Variants in MYO9A observed in about 807,000 individuals in gnomAD.
The protein encoded by MYO9A is myosin IXA.
Under a neutral mutation model 293.3 loss-of-function variants are expected in MYO9A, and 103 were observed. That is an observed-to-expected ratio of 0.35 (90% CI 0.30 to 0.41). MYO9A has a LOEUF of 0.41. MYO9A is among the 10% of genes least tolerant of loss of function. The probability of loss-of-function intolerance (pLI) is 1.00; values close to 1 mark genes in which losing one functional copy is unlikely to be tolerated. For missense variants in MYO9A, 2,685 were observed against 3,033.0 expected (o/e 0.89, Z 2.69); for synonymous variants, 1,001 against 1,035.7 (o/e 0.97, Z 0.64).
At chr15:72,001,154 T>G (rs1238434126) in intron 8 of MYO9A, among the ~76,000 whole-genome samples, 1 of 152,280 alleles carries the variant, frequency 6.6e-6, no homozygotes, top group African/African-American at 2.4e-5. Context: ...GTCATGATGA[T>G]GGGCATGAAG....
chr15:71,928,918 T>A (rs994596391), intron 18 of MYO9A, among the ~76,000 whole-genome samples: 10 of 122,356 alleles, frequency 8.2e-5, no homozygotes, highest in Admixed American at 4.8e-4. Context: ...AAAAAAAAAA[T>A]TTAATAGCCA....
At chr15:71,980,824 C>A (rs1596317602) in intron 11 of MYO9A, among the ~76,000 whole-genome samples, 1 of 152,080 alleles carries the variant, frequency 6.6e-6, no homozygotes, top group Admixed American at 6.5e-5. Context: ...GGCTGCAGAG[C>A]GAGACTCTGT....
At chr15:72,118,228 A>C (rs964772391), upstream of MYO9A, 1 of 341,770 alleles carries the variant, frequency 2.9e-6, no homozygotes. Flanking sequence ...GCCACTGGAG[A>C]GTACAGCGTG....
At chr15:72,115,964 C>T (rs1393837511) in intron 1 of MYO9A, among the ~76,000 whole-genome samples, 6 of 152,136 alleles carry the variant, frequency 3.9e-5, no homozygotes, top group Admixed American at 3.9e-4. Flanking sequence ...AAATGAGGCA[C>T]TTCCATATGT....
At chr15:71,925,332 C>T (rs2058279618) in intron 18 of MYO9A, among the ~76,000 whole-genome samples, 1 of 130,294 alleles carries the variant, frequency 7.7e-6, no homozygotes, top group Admixed American at 7.7e-5. Flanking sequence ...TACATATATA[C>T]GTATATGTAC....
At chr15:71,958,042 T>G (rs2146903419) in intron 14 of MYO9A, among the ~76,000 whole-genome samples, 1 of 152,290 alleles carries the variant, frequency 6.6e-6, no homozygotes, top group South Asian at 2.1e-4. Context: ...ACTGAAGTTT[T>G]TAATTAAGAT....
chr15:72,021,082 A>G, intron 4 of MYO9A, 65 bp from the exon 5 acceptor site: 1 of 993,288 alleles, frequency 1.0e-6, no homozygotes, highest in Non-Finnish European at 1.5e-6. Context: ...TAACAGGGGG[A>G]GGGGGGAAGC....
intron 19 of MYO9A, 25 bp from the exon 20 acceptor site, chr15:71,905,031 TCATA>T (rs752513650): frequency 2.3e-5 from 36 of 1,559,536 alleles, no homozygotes; most frequent in Admixed American, 3.5e-5. Context: ...AATATAATTA[TCATA>T]CTCTTCCATT....
At chr15:71,951,531 T>C (rs1277529080) in intron 15 of MYO9A, among the ~76,000 whole-genome samples, 1 of 152,062 alleles carries the variant, frequency 6.6e-6, no homozygotes, top group African/African-American at 2.4e-5. Flanking sequence ...ATCCAGTGAC[T>C]GTAACCAAGT....
At chr15:71,887,001 C>G (rs74022467) in intron 27 of MYO9A, among the ~76,000 whole-genome samples, 443 of 151,954 alleles carry the variant, frequency 2.9e-3, no homozygotes, top group African/African-American at 9.8e-3. Context: ...TTCTGCGAGG[C>G]CCAAATGCTT....
chr15:71,899,126 G>A (rs1359347288), intron 24 of MYO9A, 94 bp from the exon 25 acceptor site: 3 of 1,197,410 alleles, frequency 2.5e-6, no homozygotes, highest in Non-Finnish European at 3.5e-6. Context: ...ATGCAGAGTT[G>A]TAAAATCTTT....
intron 31 of MYO9A, among the ~76,000 whole-genome samples, chr15:71,877,363 GAATA>G (rs2056726333): frequency 6.6e-6 from 1 of 152,074 alleles, no homozygotes; most frequent in Non-Finnish European, 1.5e-5. Context: ...CCTAATTCAA[GAATA>G]AATATAATTT....
intron 9 of MYO9A, 88 bp from the exon 10 acceptor site, chr15:71,994,673 A>T: frequency 1.5e-6 from 1 of 649,762 alleles, no homozygotes; most frequent in Non-Finnish European, 2.6e-6. Context: ...TCAAGAAAGA[A>T]ACTTACTATC....
At chr15:71,966,075 C>G (rs1028851477) in intron 13 of MYO9A, among the ~76,000 whole-genome samples, 3 of 151,806 alleles carry the variant, frequency 2.0e-5, no homozygotes, top group African/African-American at 7.3e-5. Flanking sequence ...TGAGGTTTCA[C>G]CACGTTGACC....
chr15:71,956,330 A>AAAATATATAT (rs10642655), intron 14 of MYO9A, among the ~76,000 whole-genome samples: 24 of 75,574 alleles, frequency 3.2e-4, no homozygotes, highest in African/African-American at 1.4e-3. Context: ...AAAAAAAAAA[A>AAAATATATAT]ATATATATAT....
At chr15:71,923,872 C>A (rs1017279417) in intron 18 of MYO9A, among the ~76,000 whole-genome samples, 10 of 151,948 alleles carry the variant, frequency 6.6e-5, no homozygotes, top group Admixed American at 5.9e-4. Context: ...CATTTCTCTT[C>A]TTCTATTAAC....
Position 71,826,387 on chromosome 15 carries a change from G to C in MYO9A, c.*193C>G, listed in dbSNP as rs2054501804. Reference sequence around the variant, plus strand: ...AAATACAACAGCCAAGGCACAGCTGGCACCATCCCCAGCAGGCTTTCTGCT... The same window carrying C: ...AAATACAACAGCCAAGGCACAGCTGCCACCATCCCCAGCAGGCTTTCTGCT... On this transcript the variant is annotated 3_prime_UTR_variant, in exon 42 of 42. Transcript: ENST00000356056. 4 of 571,842 alleles carry C rather than the reference G, an allele frequency of 7.0e-6. No homozygotes were observed. Among genetic ancestry groups the C allele is most frequent in the Non-Finnish European group, 1.2e-5 (4 of 337,170 alleles). 35.4% of individuals were successfully genotyped at this position (571,842 alleles called of 1,614,324 possible). A position where few individuals can be genotyped will look rare whatever the true frequency, so the allele number is the denominator to read the frequency against.
chr15:71,975,428 T>TGTGTGTGTGTGTGTGTGTGTGTGTG (rs2076116955), intron 12 of MYO9A, among the ~76,000 whole-genome samples: 2 of 147,942 alleles, frequency 1.4e-5, no homozygotes, highest in East Asian at 2.0e-4. Flanking sequence ...TGTGTGTGTG[T>TGTGTGTGTGTGTGTGTGTGTGTGTG]AGGTTTTCGT....
intron 1 of MYO9A, among the ~76,000 whole-genome samples, chr15:72,054,041 C>T (rs2078647990): frequency 6.6e-6 from 1 of 152,150 alleles, no homozygotes; most frequent in Admixed American, 6.5e-5. Context: ...CTGCTGTTTT[C>T]AGTAGACACA....
Sources: gnomAD v4.1 joint callset for allele counts (sites outside exome capture counted in the v4.1 genomes callset) on GRCh38, gnomAD v4.1.1 for gene constraint, MANE v1.5 for transcripts, NCBI Gene and HGNC (gene_info 2026-07-23, HGNC 2026-07-21) for gene names.